Variants in MERTK observed in about 807,000 individuals in gnomAD.
The protein encoded by MERTK is MER proto-oncogene, tyrosine kinase.
Under a neutral mutation model 99.3 loss-of-function variants are expected in MERTK, and 69 were observed. The ratio of observed to expected loss-of-function variants is 0.70; its 90% CI spans 0.57 to 0.85. The LOEUF (loss-of-function observed/expected upper bound fraction) is 0.85. MERTK is among the 40% of genes least tolerant of loss of function. MERTK has a pLI of 0.00. For missense variants in MERTK, 1,125 were observed against 1,249.4 expected (o/e 0.90, Z 1.50); for synonymous variants, 426 against 467.6 (o/e 0.91, Z 1.15).
chr2:111,994,218 G>A (rs1203145113), intron 8 of MERTK, 33 bp from the exon 9 acceptor site: 2 of 1,612,594 alleles, frequency 1.2e-6, no homozygotes, highest in Admixed American at 1.7e-5. Flanking sequence ...AGACCTCAGT[G>A]TTTTCATTTC....
intron 1 of MERTK, among the ~76,000 whole-genome samples, chr2:111,916,878 G>A (rs536107878): frequency 2.0e-5 from 3 of 152,282 alleles, no homozygotes; most frequent in South Asian, 2.1e-4. Flanking sequence ...CCAGGTAGGG[G>A]TAGAATTCTA....
At position 112,022,340 on chromosome 2, in the gene MERTK, A is replaced by T; in HGVS notation, c.2432A>T (p.Asp811Val). ...GGGGTCCAGAACCATGAGATGTATG[A>T]CTATCTTCTCCATGGCCACAGGTTG... Reference protein sequence around the residue: ...YPGVQNHEMYDYLLHGHRLKQ... With the variant: ...YPGVQNHEMYVYLLHGHRLKQ... Residue 811 changes from aspartate to valine, a missense_variant, in exon 18 of 19, where the codon GAC (aspartate) becomes GTC (valine). Coordinates refer to ENST00000295408, the MANE Select transcript of MERTK (RefSeq NM_006343.3). 6.2e-7 allele frequency: 1 copy of T among 1,614,194 alleles called. No individual in the cohort carries two copies.
In MERTK at chr2:111,957,242, A is replaced by G. The variant is rs114056596; in HGVS notation, c.758-7949A>G. Among the ~76,000 whole-genome samples the G allele has an allele frequency of 2.0e-3, 297 of 152,236 alleles. 1 individual carries two copies. Among genetic ancestry groups the G allele is most frequent in the African/African-American group, 6.4e-3 (265 of 41,542 alleles). ...GGCGAGACCTGCCTTCTTAAGGTCT[A>G]TTCTCCATGTGGCCGCTGGAGCAAT... On this transcript the variant is annotated intron_variant, in intron 4 of 18. Transcript: ENST00000295408.
chr2:111,960,480 CAA>C (rs61179378), intron 4 of MERTK, among the ~76,000 whole-genome samples: 1,280 of 75,876 alleles, frequency 0.017, 7 homozygotes, highest in South Asian at 0.026. Flanking sequence ...GTCTCAGTCT[CAA>C]AAAAAAAAAA....
intron 10 of MERTK, among the ~76,000 whole-genome samples, chr2:111,997,823 A>G (rs1003719575): frequency 4.6e-5 from 7 of 152,206 alleles, no homozygotes; most frequent in African/African-American, 1.7e-4. Context: ...AGGCCAAGGC[A>G]GGCGGATCAC....
intron 1 of MERTK, among the ~76,000 whole-genome samples, chr2:111,899,502 G>A (rs1684001438): frequency 6.6e-6 from 1 of 152,082 alleles, no homozygotes; most frequent in Non-Finnish European, 1.5e-5. Context: ...TGGATTCAGC[G>A]AAGTGTTGTT....
At chr2:111,907,011 G>C (rs1266094600) in intron 1 of MERTK, among the ~76,000 whole-genome samples, 2 of 152,038 alleles carry the variant, frequency 1.3e-5, no homozygotes, top group Non-Finnish European at 2.9e-5. Flanking sequence ...TTGGGACACA[G>C]AGCCTCAGCC....
intron 10 of MERTK, among the ~76,000 whole-genome samples, chr2:111,999,007 T>C (rs1676814510): frequency 6.6e-6 from 1 of 152,132 alleles, no homozygotes; most frequent in Non-Finnish European, 1.5e-5. Flanking sequence ...TAACATTATA[T>C]TTTTTTAAAA....
At chr2:111,917,216 G>A (rs563972033) in intron 1 of MERTK, among the ~76,000 whole-genome samples, 27 of 152,224 alleles carry the variant, frequency 1.8e-4, no homozygotes, top group Admixed American at 4.6e-4. Flanking sequence ...GCTCCCACAT[G>A]GTCCTCACAC....
chr2:111,987,496 C>T (rs1676506529), intron 8 of MERTK, among the ~76,000 whole-genome samples: 1 of 152,198 alleles, frequency 6.6e-6, no homozygotes, highest in Admixed American at 6.5e-5. Flanking sequence ...ACTGTCTGAA[C>T]ACAGGGCCTT....
At chr2:112,024,415 C>T (rs1047066016) in intron 18 of MERTK, among the ~76,000 whole-genome samples, 1 of 152,228 alleles carries the variant, frequency 6.6e-6, no homozygotes, top group East Asian at 1.9e-4. Context: ...AGTCAGCACA[C>T]GCCGTGTGGC....
At chr2:111,964,225 A>G (rs533848455) in intron 4 of MERTK, among the ~76,000 whole-genome samples, 29 of 152,150 alleles carry the variant, frequency 1.9e-4, no homozygotes, top group Admixed American at 1.2e-3. Context: ...TGTTGATATC[A>G]GTAGAGACTC....
chr2:111,921,832 A>G (rs1421586869), intron 1 of MERTK, among the ~76,000 whole-genome samples: 3 of 152,092 alleles, frequency 2.0e-5, no homozygotes, highest in Middle Eastern at 3.4e-3. Context: ...GGCTCAAGCA[A>G]TCCTCCCGCT....
chr2:111,978,056 C>T (rs895353814), intron 7 of MERTK, among the ~76,000 whole-genome samples: 2 of 152,010 alleles, frequency 1.3e-5, no homozygotes, highest in African/African-American at 4.8e-5. Flanking sequence ...CTCCCACCTT[C>T]ACCTTCGCCT....
chr2:112,007,412 C>T (rs758319887), intron 13 of MERTK, among the ~76,000 whole-genome samples: 2 of 152,172 alleles, frequency 1.3e-5, no homozygotes, highest in Non-Finnish European at 2.9e-5. Flanking sequence ...CCTCAGCCTC[C>T]CAAAGTGCTG....
At chr2:111,997,134 T>C (rs778062178) in intron 9 of MERTK, 189 bp from the exon 10 acceptor site, 1 of 770,306 alleles carries the variant, frequency 1.3e-6, no homozygotes, top group Non-Finnish European at 2.3e-6. Flanking sequence ...TAAATCAAGC[T>C]AGTTTCCCAT....
At chr2:111,928,899 G>T (rs1684617131) in intron 1 of MERTK, among the ~76,000 whole-genome samples, 1 of 152,168 alleles carries the variant, frequency 6.6e-6, no homozygotes, top group South Asian at 2.1e-4. Context: ...TTTGGTGGGG[G>T]TGGTTACATT....
chr2:112,022,952 G>A (rs1481036995), intron 18 of MERTK, among the ~76,000 whole-genome samples: 2 of 152,050 alleles, frequency 1.3e-5, no homozygotes, highest in Admixed American at 1.3e-4. Flanking sequence ...GATGCTTTCG[G>A]TACAAAGTGG....
At chr2:111,967,437 A>C (rs1284406248) in intron 5 of MERTK, among the ~76,000 whole-genome samples, 2 of 152,170 alleles carry the variant, frequency 1.3e-5, no homozygotes, top group Non-Finnish European at 2.9e-5. Flanking sequence ...CAGCACAAAG[A>C]AATAAGATTC....
Sources: allele counts gnomAD v4.1 joint callset (sites outside exome capture counted in the v4.1 genomes callset), GRCh38; gene constraint gnomAD v4.1.1; transcripts MANE v1.5; gene names NCBI Gene and HGNC (gene_info 2026-07-23, HGNC 2026-07-21).